Variants in TNR observed in about 807,000 individuals in gnomAD.
TNR encodes tenascin R, also known as tenascin-R.
In TNR, 45 loss-of-function variants were observed where a neutral mutation model predicts 150.4. That is an observed-to-expected ratio of 0.30 (90% confidence interval 0.24 to 0.38). The LOEUF (loss-of-function observed/expected upper bound fraction) is 0.38, where lower values mean the gene tolerates loss of function less well. Among genes scored for constraint, TNR ranks in the 10% least tolerant of loss-of-function variants. The pLI, the probability that TNR is intolerant of heterozygous loss-of-function variation, is 1.00. For missense variants in TNR, 1,544 were observed against 1,759.1 expected, an observed-to-expected ratio of 0.88 and a Z score of 2.19; for synonymous variants, 687 against 678.4, an observed-to-expected ratio of 1.01 and a Z score of -0.20.
At chr1:175,386,930 C>A (rs575590872) in intron 7 of TNR, among the ~76,000 whole-genome samples, 2 of 152,212 alleles carry the variant, frequency 1.3e-5, no homozygotes, top group Admixed American at 1.3e-4. Context: ...ACCCCAGCTT[C>A]GGAACAGCCT....
chr1:175,423,624 A>G (rs1372118582), intron 2 of TNR, among the ~76,000 whole-genome samples: 4 of 152,054 alleles, frequency 2.6e-5, no homozygotes, highest in African/African-American at 9.7e-5. Flanking sequence ...CTGAAACTAG[A>G]CCCTAAGAAA....
At chr1:175,365,344 ACTT>A (rs1296635006) in intron 11 of TNR, 65 bp from the exon 12 acceptor site, 1 of 1,514,732 alleles carries the variant, frequency 6.6e-7, no homozygotes. Context: ...GGCTAGAAGA[ACTT>A]CTTGGCTAAA....
intron 2 of TNR, among the ~76,000 whole-genome samples, chr1:175,451,307 G>T (rs146074078): frequency 0.096 from 14,612 of 151,780 alleles, 788 homozygotes; most frequent in South Asian, 0.12. Flanking sequence ...TGCCATGTTG[G>T]TGTGCTGCAC....
chr1:175,571,420 A>C (rs1661865332), intron 1 of TNR, among the ~76,000 whole-genome samples: 1 of 152,228 alleles, frequency 6.6e-6, no homozygotes, highest in South Asian at 2.1e-4. Context: ...ACGTGTTATT[A>C]CTATCTCCAT....
At chr1:175,391,983 C>T (rs1005401234) in intron 6 of TNR, among the ~76,000 whole-genome samples, 7 of 152,274 alleles carry the variant, frequency 4.6e-5, no homozygotes, top group Middle Eastern at 3.4e-3. Context: ...GTGCTACATT[C>T]GGTGTGAATC....
At chr1:175,460,085 T>C (rs1163096068) in intron 2 of TNR, among the ~76,000 whole-genome samples, 2 of 152,136 alleles carry the variant, frequency 1.3e-5, no homozygotes, top group African/African-American at 4.8e-5. Flanking sequence ...CTGCTAACAT[T>C]TGCTGTCATG....
rs544793020 is a variant in TNR at position 175,589,205 on chromosome 1, T to A, written c.-164-60836A>T. Among the ~76,000 whole-genome samples, 10 of 152,280 alleles carry A rather than the reference T, an allele frequency of 6.6e-5. 1 individual carries two copies. Among genetic ancestry groups the A allele is most frequent in the African/African-American group, 2.2e-4 (9 of 41,558 alleles). On this transcript the variant is annotated intron_variant, in intron 1 of 22. Transcript: ENST00000367674. ...TACAAGATCTCAAATCTTGACCCCA[T>A]CATATGGTGCTGCAACTAATTGAGC...
At chr1:175,582,822 G>A (rs12566372) in intron 1 of TNR, among the ~76,000 whole-genome samples, 1 of 151,964 alleles carries the variant, frequency 6.6e-6, no homozygotes, top group South Asian at 2.1e-4. Flanking sequence ...AGCCATAAGG[G>A]AGGGCTCCAC....
At chr1:175,418,027 T>A (rs1654578502) in intron 2 of TNR, among the ~76,000 whole-genome samples, 1 of 152,088 alleles carries the variant, frequency 6.6e-6, no homozygotes. Context: ...TACAAGCAGG[T>A]GAATTATACC....
In TNR at chr1:175,362,653, A is replaced by G; in HGVS notation, c.2854+10T>C. On this transcript the variant is annotated intron_variant, in intron 14 of 22. Coordinates refer to ENST00000367674, the MANE Select transcript of TNR (RefSeq NM_003285.3). The stretch of plus-strand genomic sequence containing the variant: ...GGTTCTGACTTGACACAGCAGGGAG[A>G]CATTCCCACCTGTGTGCACAAGAGT... 3 of 1,611,472 alleles carry G rather than the reference A, an allele frequency of 1.9e-6. No homozygotes were observed. Among genetic ancestry groups the G allele is most frequent in the Non-Finnish European group, 2.5e-6 (3 of 1,177,904 alleles).
chr1:175,588,876 A>G (rs764195496), intron 1 of TNR, among the ~76,000 whole-genome samples: 19 of 152,152 alleles, frequency 1.2e-4, no homozygotes, highest in Non-Finnish European at 2.5e-4. Flanking sequence ...CCATGAGCCC[A>G]CAGTAATGCC....
intron 2 of TNR, among the ~76,000 whole-genome samples, chr1:175,410,313 T>G (rs1411330398): frequency 6.6e-6 from 1 of 152,228 alleles, no homozygotes; most frequent in Non-Finnish European, 1.5e-5. Flanking sequence ...TTACACTGGA[T>G]AGATGGTCAC....
At chr1:175,622,761 T>C (rs1357486848) in intron 1 of TNR, among the ~76,000 whole-genome samples, 1 of 152,226 alleles carries the variant, frequency 6.6e-6, no homozygotes, top group African/African-American at 2.4e-5. Context: ...ATCAAGGTAT[T>C]AGCAGGGCTA....
chr1:175,581,688 G>A (rs1207888861), intron 1 of TNR, among the ~76,000 whole-genome samples: 2 of 152,114 alleles, frequency 1.3e-5, no homozygotes, highest in African/African-American at 4.8e-5. Context: ...CTTACCTTTT[G>A]AGAGTTCCAT....
rs16848582 is a variant in TNR, at chr1:175,530,689, T to C, written c.-164-2320A>G. On this transcript the variant is annotated intron_variant, in intron 1 of 22. Transcript: ENST00000367674. ...ATACATACACATACTTTTACAAGAT[T>C]ATACTATACATGTAGAATTTTTAGT... Among the ~76,000 whole-genome samples, 57 of 152,166 alleles carry C rather than the reference T, an allele frequency of 3.7e-4. No individual in the cohort carries two copies. The East Asian group carries it at 8.5e-3, about 23-fold the overall frequency.
intron 1 of TNR, among the ~76,000 whole-genome samples, chr1:175,600,073 G>A (rs1236865148): frequency 6.6e-6 from 1 of 152,190 alleles, no homozygotes; most frequent in East Asian, 1.9e-4. Flanking sequence ...CACAGACTCT[G>A]GAACTGGACT....
chr1:175,669,917 T>C (rs185258981), intron 1 of TNR, among the ~76,000 whole-genome samples: 11 of 152,328 alleles, frequency 7.2e-5, no homozygotes, highest in Admixed American at 2.6e-4. Context: ...TTCCAGCACG[T>C]GGCACAGGAA....
At chr1:175,453,681 C>T (rs1045831272) in intron 2 of TNR, among the ~76,000 whole-genome samples, 1 of 152,138 alleles carries the variant, frequency 6.6e-6, no homozygotes, top group Admixed American at 6.5e-5. Context: ...CAGTGATCCT[C>T]CTACCTCAGC....
At chr1:175,557,466 C>A (rs1004918703) in intron 1 of TNR, among the ~76,000 whole-genome samples, 1 of 151,986 alleles carries the variant, frequency 6.6e-6, no homozygotes, top group Admixed American at 6.6e-5. Context: ...AAACATTTAC[C>A]CTAACATCCC....
Sources: gnomAD v4.1 joint callset for allele counts (sites outside exome capture counted in the v4.1 genomes callset) on GRCh38, gnomAD v4.1.1 for gene constraint, MANE v1.5 for transcripts, NCBI Gene and HGNC (gene_info 2026-07-23, HGNC 2026-07-21) for gene names.